The following SGCZ variants were observed in gnomAD, a reference collection of about 807,000 sequenced individuals.
SGCZ encodes the protein sarcoglycan zeta.
Under a neutral mutation model 41.3 loss-of-function variants are expected in SGCZ, and 40 were observed. The ratio of observed to expected loss-of-function variants is 0.97; its 90% CI spans 0.75 to 1.26. The LOEUF (loss-of-function observed/expected upper bound fraction) is 1.26. Among genes scored for constraint, SGCZ ranks in the 50% most tolerant of loss-of-function variants. The pLI, the probability that SGCZ is intolerant of heterozygous loss-of-function variation, is 0.00. For missense variants in SGCZ, 552 were observed against 369.8 expected (o/e 1.49, Z -4.04); for synonymous variants, 206 against 137.5 (o/e 1.50, Z -3.49).
chr8:14,932,553 T>A (rs1799948705), intron 1 of SGCZ, among the ~76,000 whole-genome samples: 1 of 151,994 alleles, frequency 6.6e-6, no homozygotes, highest in Non-Finnish European at 1.5e-5. Flanking sequence ...ACAGAATTAC[T>A]ATTATACTCT....
intron 3 of SGCZ, among the ~76,000 whole-genome samples, chr8:14,251,214 C>A (rs193011911): frequency 1.3e-5 from 2 of 151,952 alleles, no homozygotes; most frequent in Non-Finnish European, 2.9e-5. Flanking sequence ...GGCAACAGAG[C>A]GAGACTCTAT....
At chr8:14,298,285 T>C (rs1206905941) in intron 3 of SGCZ, among the ~76,000 whole-genome samples, 1 of 152,010 alleles carries the variant, frequency 6.6e-6, no homozygotes, top group African/African-American at 2.4e-5. Context: ...AATTTCCTTT[T>C]AGATTGGAAA....
At chr8:14,969,243 G>A (rs1801216832) in intron 1 of SGCZ, among the ~76,000 whole-genome samples, 2 of 151,930 alleles carry the variant, frequency 1.3e-5, no homozygotes, top group South Asian at 2.1e-4. Flanking sequence ...TTATATTTGG[G>A]TGTCCACGAG....
At chr8:14,175,567 T>C (rs1006693077) in intron 4 of SGCZ, among the ~76,000 whole-genome samples, 3 of 152,060 alleles carry the variant, frequency 2.0e-5, no homozygotes, top group Non-Finnish European at 4.4e-5. Context: ...TAAATCAAAT[T>C]TTTACTTTTT....
chr8:15,230,071 GATGTGAAGT>G (rs1416303449), intron 1 of SGCZ, among the ~76,000 whole-genome samples: 1 of 151,850 alleles, frequency 6.6e-6, no homozygotes, highest in East Asian at 1.9e-4. Flanking sequence ...TGCATGAAGA[GATGTGAAGT>G]GTTGAGGCAT....
intron 2 of SGCZ, among the ~76,000 whole-genome samples, chr8:14,434,369 G>T (rs1800028314): frequency 6.6e-6 from 1 of 152,026 alleles, no homozygotes; most frequent in Non-Finnish European, 1.5e-5. Flanking sequence ...GGTGACTGTG[G>T]CCTTATAGTA....
chr8:15,210,519 T>C (rs1308300998), intron 1 of SGCZ, among the ~76,000 whole-genome samples: 1 of 152,182 alleles, frequency 6.6e-6, no homozygotes, highest in Non-Finnish European at 1.5e-5. Context: ...TGTGCCTTAC[T>C]TGCAACCTGG....
chr8:14,106,846 G>A (rs572661108), intron 6 of SGCZ, among the ~76,000 whole-genome samples: 2 of 152,208 alleles, frequency 1.3e-5, no homozygotes, highest in South Asian at 2.1e-4. Context: ...ACAATAGTAA[G>A]TGCATTTCAG....
intron 1 of SGCZ, among the ~76,000 whole-genome samples, chr8:14,671,889 C>T (rs1478842746): frequency 1.3e-5 from 2 of 152,080 alleles, no homozygotes; most frequent in African/African-American, 4.8e-5. Flanking sequence ...CCAACATAAA[C>T]ATACTAATGT....
At chr8:14,711,435 C>CAA (rs543412312) in intron 1 of SGCZ, among the ~76,000 whole-genome samples, 1 of 102,984 alleles carries the variant, frequency 9.7e-6, no homozygotes, top group East Asian at 3.6e-4. Context: ...ACTAAAAATA[C>CAA]AAAAAAAAAA....
intron 1 of SGCZ, among the ~76,000 whole-genome samples, chr8:15,193,700 G>A (rs1023124817): frequency 6.6e-6 from 1 of 151,174 alleles, no homozygotes; most frequent in African/African-American, 2.5e-5. Flanking sequence ...CCTATTTCTG[G>A]CTGAAATATT....
chr8:14,870,966 G>A (rs985800614), intron 1 of SGCZ, among the ~76,000 whole-genome samples: 1 of 152,050 alleles, frequency 6.6e-6, no homozygotes, highest in South Asian at 2.1e-4. Flanking sequence ...TCACCACTTT[G>A]GGAGGCCGAG....
At chr8:14,921,807 T>G (rs1799595936) in intron 1 of SGCZ, among the ~76,000 whole-genome samples, 2 of 152,178 alleles carry the variant, frequency 1.3e-5, no homozygotes, top group South Asian at 4.1e-4. Context: ...ACCCGACTTT[T>G]TTCAATTAAT....
chr8:14,436,701 A>G, intron 2 of SGCZ, among the ~76,000 whole-genome samples: 1 of 152,182 alleles, frequency 6.6e-6, no homozygotes, highest in Admixed American at 6.5e-5. Flanking sequence ...AACAGTTACT[A>G]ATTTCATTAA....
intron 1 of SGCZ, among the ~76,000 whole-genome samples, chr8:14,630,800 T>G (rs971201503): frequency 7.0e-6 from 1 of 142,686 alleles, no homozygotes; most frequent in African/African-American, 2.6e-5. Context: ...GTGTTCTCAC[T>G]CATAGGTGGG....
At chr8:14,203,494 G>A (rs557221621) in intron 4 of SGCZ, among the ~76,000 whole-genome samples, 2 of 152,208 alleles carry the variant, frequency 1.3e-5, no homozygotes, top group East Asian at 3.9e-4. Context: ...CCACTCATAT[G>A]TATTTAAATT....
chr8:14,887,797 T>C (rs1274756508), intron 1 of SGCZ, among the ~76,000 whole-genome samples: 1 of 152,164 alleles, frequency 6.6e-6, no homozygotes, highest in Non-Finnish European at 1.5e-5. Context: ...AATATTTGTA[T>C]TTATGTGCCT....
chr8:15,049,869 G>A (rs1019874412), intron 1 of SGCZ, among the ~76,000 whole-genome samples: 1 of 152,092 alleles, frequency 6.6e-6, no homozygotes, highest in South Asian at 2.1e-4. Flanking sequence ...AAGCTGTCTT[G>A]CCTGCCACCA....
intron 1 of SGCZ, among the ~76,000 whole-genome samples, chr8:15,153,224 A>C (rs192156809): frequency 6.7e-6 from 1 of 150,186 alleles, no homozygotes; most frequent in East Asian, 1.9e-4. Context: ...TCTCTTGTAA[A>C]TCCAGGTGCA....
Sources: allele counts gnomAD v4.1 joint callset (sites outside exome capture counted in the v4.1 genomes callset), GRCh38; gene constraint gnomAD v4.1.1; transcripts MANE v1.5; gene names NCBI Gene and HGNC (gene_info 2026-07-23, HGNC 2026-07-21).